ERV3-1: variants seen among roughly 807,000 people sequenced by gnomAD.
ERV3-1 encodes endogenous retrovirus group 3 member 1 Env polyprotein.
A neutral mutation model predicts 24.6 loss-of-function variants in ERV3-1; 36 were observed. The observed-to-expected ratio is 1.47, with a 90% CI of 1.12 to 1.94. ERV3-1 has a LOEUF of 1.94. Among genes scored for constraint, ERV3-1 ranks in the 30% most tolerant of loss-of-function variants. The pLI is 0.00. For synonymous variants in ERV3-1, 211 were observed against 122.6 expected (o/e 1.72, Z -4.76); for missense variants, 578 against 330.9 (o/e 1.75, Z -5.79).
chr7:65,000,716 T>C (rs1427076058), intron 1 of ERV3-1, among the ~76,000 whole-genome samples: 1 of 152,114 alleles, frequency 6.6e-6, no homozygotes, highest in Non-Finnish European at 1.5e-5. Context: ...ACCAGGGAGA[T>C]TGAGGCTGCA....
rs76690074 is a variant in ERV3-1, at chr7:64,993,257, G to C, written c.-231C>G. The C allele has an allele frequency of 0.047, 23,829 of 504,618 alleles. 856 individuals are homozygous for C. Among genetic ancestry groups the C allele is most frequent in the East Asian group, 0.15 (4,661 of 30,492 alleles). The allele number at this position is 504,618 out of a possible 1,614,324, so 31.3% of individuals were successfully genotyped here. A position where few individuals can be genotyped will look rare whatever the true frequency, so the allele number is the denominator to read the frequency against. On this transcript the variant is annotated 5_prime_UTR_variant, in exon 2 of 2. Transcript: ENST00000394323. ...CCGTGTGTGGACTGGTCAGCTTCCGGAGTGACCAGAGCAGGGCTGTTGTCA... is the reference window on the plus strand; with the variant it reads ...CCGTGTGTGGACTGGTCAGCTTCCGCAGTGACCAGAGCAGGGCTGTTGTCA...
In ERV3-1 at chr7:65,002,351, T is replaced by A. The variant is rs138806205; in HGVS notation, c.-389+4190A>T. On this transcript the variant is annotated intron_variant, in intron 1 of 1. Transcript: ENST00000394323. ...TTTTTGTTTGTTTTTTGAGATGGAG[T>A]CTCACTCTGTCGCCCAGACTAGAGT... Among the ~76,000 whole-genome samples, 5 of 152,264 alleles carry A rather than the reference T, an allele frequency of 3.3e-5. No homozygotes were observed. In the East Asian group the frequency reaches 9.6e-4, roughly 29 times the overall value.
chr7:64,991,281 C>T lies in ERV3-1; in HGVS notation c.1746G>A (p.Lys582=), dbSNP rs1205821115. 7 of 727,156 alleles carry T rather than the reference C, an allele frequency of 9.6e-6. No homozygotes were observed. Among genetic ancestry groups the T allele is most frequent in the East Asian group, 2.5e-5 (1 of 39,974 alleles). The allele number at this position is 727,156 out of a possible 1,614,324, so 45.0% of individuals were successfully genotyped here. ...TTTTAGCAGTTATTTCTTTGATGACCTTTCCTTCGTCATCAAGTTCCAGGC... is the reference window on the plus strand; with the variant it reads ...TTTTAGCAGTTATTTCTTTGATGACTTTTCCTTCGTCATCAAGTTCCAGGC... ...NCCLELDDEG[K]VIKEITAKIQ... Residue 582 remains lysine (K), a synonymous_variant, in exon 2 of 2, where the codon AAG becomes AAA. Transcript: ENST00000394323.
At chr7:64,998,113 C>A (rs915450816) in intron 1 of ERV3-1, among the ~76,000 whole-genome samples, 2 of 152,100 alleles carry the variant, frequency 1.3e-5, no homozygotes. Flanking sequence ...GCTCAGGGGC[C>A]GTCCTTGGTA....
chr7:64,995,925 T>G (rs545188004), intron 1 of ERV3-1, among the ~76,000 whole-genome samples: 1 of 152,176 alleles, frequency 6.6e-6, no homozygotes, highest in South Asian at 2.1e-4. Context: ...GGGAGAATTC[T>G]TGAACCCTTG....
chr7:64,993,215 G>A lies in ERV3-1; in HGVS notation c.-189C>T, dbSNP rs1786324932. 1.2e-5 allele frequency: 7 copies of A among 576,852 alleles called. No homozygotes were observed. The highest frequency in any genetic ancestry group is 1.1e-4 in the South Asian group (5 of 45,930). The allele number at this position is 576,852 out of a possible 1,614,324, so 35.7% of individuals were successfully genotyped here. On this transcript the variant is annotated 5_prime_UTR_variant, in exon 2 of 2. Coordinates refer to ENST00000394323, the MANE Select transcript of ERV3-1 (RefSeq NM_001007253.4). ...CTGGGGTGACTAGAGCAGGGCTGTT[G>A]TCTCCTCAAGCTTCAGCCGTGTGTG... is the stretch of plus-strand genomic sequence containing the variant.
intron 1 of ERV3-1, among the ~76,000 whole-genome samples, chr7:65,002,797 A>G (rs1004852626): frequency 6.6e-6 from 1 of 152,024 alleles, no homozygotes; most frequent in African/African-American, 2.4e-5. Context: ...ATTTTTTTTC[A>G]TCCTCCATTT....
chr7:65,006,433 G>C, intron 1 of ERV3-1, 108 bp downstream of exon 1: 1 of 1,499,096 alleles, frequency 6.7e-7, no homozygotes, highest in Non-Finnish European at 9.3e-7. Context: ...TCGGGGCCGC[G>C]GATTTTGGAG....
At chr7:65,002,225 G>T (rs1198348357) in intron 1 of ERV3-1, among the ~76,000 whole-genome samples, 2 of 152,182 alleles carry the variant, frequency 1.3e-5, no homozygotes, top group Admixed American at 1.3e-4. Flanking sequence ...GTGCTCTCTT[G>T]TCTGACTTAT....
chr7:64,997,044 C>A (rs1169492044), intron 1 of ERV3-1, among the ~76,000 whole-genome samples: 1 of 152,220 alleles, frequency 6.6e-6, no homozygotes, highest in African/African-American at 2.4e-5. Context: ...GGACATTCAC[C>A]TTTCCAGTGT....
At chr7:65,003,317 A>C (rs1327232480) in intron 1 of ERV3-1, among the ~76,000 whole-genome samples, 1 of 152,164 alleles carries the variant, frequency 6.6e-6, no homozygotes, top group Non-Finnish European at 1.5e-5. Flanking sequence ...CCTCGTCTCT[A>C]CTAAAAATAC....
At position 65,006,657 on chromosome 7, in the gene ERV3-1, T is replaced by C. The variant is rs1379936244; in HGVS notation, c.-505A>G. ...GCAGAAGACACAGAGCAGTGAAGAC[T>C]ACACCAGAAGCTCCGGCTGCCGCCA... On this transcript the variant is annotated 5_prime_UTR_variant, in exon 1 of 2. Coordinates refer to ENST00000394323, the MANE Select transcript of ERV3-1 (RefSeq NM_001007253.4). 4.6e-6 allele frequency: 7 copies of C among 1,514,838 alleles called. No individual in the cohort carries two copies. The East Asian group carries it at 9.1e-5, about 20-fold the overall frequency. The allele number at this position is 1,514,838 out of a possible 1,614,324, so 93.8% of individuals were successfully genotyped here.
chr7:65,000,699 T>G (rs182109932), intron 1 of ERV3-1, among the ~76,000 whole-genome samples: 1 of 152,260 alleles, frequency 6.6e-6, no homozygotes, highest in Non-Finnish European at 1.5e-5. Flanking sequence ...GTAGAAGGAT[T>G]GTTTGCACCA....
chr7:65,005,019 G>T (rs1786612621), intron 1 of ERV3-1: 2 of 152,538 alleles, frequency 1.3e-5, no homozygotes, highest in African/African-American at 4.8e-5. Flanking sequence ...ATGGAACCCG[G>T]GTTGCTTGAA....
In ERV3-1 at chr7:65,006,679, G is replaced by A. The variant is rs1786660064; in HGVS notation, c.-527C>T. Reference sequence around the variant, plus strand: ...GACTACACCAGAAGCTCCGGCTGCCGCCAGAGACAAAGGCCCCACCAAACC... The same window carrying A: ...GACTACACCAGAAGCTCCGGCTGCCACCAGAGACAAAGGCCCCACCAAACC... On this transcript the variant is annotated 5_prime_UTR_variant, in exon 1 of 2. Transcript: ENST00000394323. The A allele has an allele frequency of 2.0e-6, 3 of 1,470,724 alleles. No homozygotes were observed. The highest frequency in any genetic ancestry group is 2.8e-6 in the Non-Finnish European group (3 of 1,057,844). 91.1% of individuals were successfully genotyped at this position (1,470,724 alleles called of 1,614,324 possible). A position where few individuals can be genotyped will look rare whatever the true frequency, so the allele number is the denominator to read the frequency against.
intron 1 of ERV3-1, chr7:65,006,326 C>T (rs916623245): frequency 2.7e-6 from 2 of 740,068 alleles, no homozygotes; most frequent in Non-Finnish European, 4.4e-6. Flanking sequence ...ACAGTCACTG[C>T]GCAGGGAGGA....
In ERV3-1 at chr7:64,992,326, T is replaced by C. The variant is rs764165750; in HGVS notation, c.701A>G (p.Tyr234Cys). The change falls in exon 2 of 2, where the codon TAT becomes TGT. Residue 234 changes from tyrosine (Y) to cysteine (C), a missense_variant. Transcript: ENST00000394323. ...TTTCTTTATGATATATAGATAGACA[T>C]AGGCTCCTGGGCCAATTTCTTCACC... ...VSGEEIGPGA[Y>C]VYLYIIKKTR... is the part of the protein sequence containing the mutation. 6.5e-6 allele frequency: 5 copies of C among 766,148 alleles called. No individual in the cohort carries two copies. The highest frequency in any genetic ancestry group is 1.3e-5 in the South Asian group (1 of 74,618). The allele number at this position is 766,148 out of a possible 1,614,324, so 47.5% of individuals were successfully genotyped here. A position where few individuals can be genotyped will look rare whatever the true frequency, so the allele number is the denominator to read the frequency against.
intron 1 of ERV3-1, among the ~76,000 whole-genome samples, chr7:64,997,410 C>T (rs757931007): frequency 8.5e-5 from 13 of 152,184 alleles, no homozygotes; most frequent in South Asian, 2.1e-4. Flanking sequence ...CAGTGTCAAA[C>T]GGGGTGTAAA....
chr7:64,995,873 G>T (rs1249229089), intron 1 of ERV3-1, among the ~76,000 whole-genome samples: 1 of 152,206 alleles, frequency 6.6e-6, no homozygotes. Flanking sequence ...TTGGTGGGGT[G>T]TATGCCTTGA....
Sources: gnomAD v4.1 joint callset for allele counts (sites outside exome capture counted in the v4.1 genomes callset) on GRCh38, gnomAD v4.1.1 for gene constraint, MANE v1.5 for transcripts, NCBI Gene and HGNC (gene_info 2026-07-23, HGNC 2026-07-21) for gene names.